The following SLC24A3 variants were observed in gnomAD, a reference collection of about 807,000 sequenced individuals.
SLC24A3 encodes the protein sodium/potassium/calcium exchanger 3.
SLC24A3 carries 28 observed loss-of-function variants against 75.8 expected under a neutral mutation model. The observed-to-expected ratio is 0.37, with a 90% CI of 0.27 to 0.51. The LOEUF (loss-of-function observed/expected upper bound fraction) is 0.51, where lower values mean the gene tolerates loss of function less well. Among genes scored for constraint, SLC24A3 ranks in the 20% least tolerant of loss-of-function variants. The probability of loss-of-function intolerance (pLI) is 0.94; values close to 1 mark genes in which losing one functional copy is unlikely to be tolerated. For missense variants in SLC24A3, 663 were observed against 847.8 expected (o/e 0.78, Z 2.71); for synonymous variants, 372 against 334.1 (o/e 1.11, Z -1.24).
At chr20:19,445,765 G>A (rs979000437) in intron 2 of SLC24A3, among the ~76,000 whole-genome samples, 3 of 152,124 alleles carry the variant, frequency 2.0e-5, no homozygotes, top group Non-Finnish European at 4.4e-5. Flanking sequence ...GGGAGGTATA[G>A]GTCCTCACAT....
intron 2 of SLC24A3, among the ~76,000 whole-genome samples, chr20:19,504,902 C>G (rs1330860411): frequency 6.6e-6 from 1 of 152,238 alleles, no homozygotes; most frequent in Admixed American, 6.5e-5. Context: ...CTCCTATCTG[C>G]TGCCATGTTT....
chr20:19,678,412 C>A (rs1264046668), intron 9 of SLC24A3, among the ~76,000 whole-genome samples: 4 of 133,578 alleles, frequency 3.0e-5, no homozygotes, highest in Non-Finnish European at 6.5e-5. Context: ...GTAGGGACGG[C>A]CAGGCAGAGG....
intron 6 of SLC24A3, among the ~76,000 whole-genome samples, chr20:19,616,505 A>T (rs143247608): frequency 6.6e-6 from 1 of 152,258 alleles, no homozygotes; most frequent in Non-Finnish European, 1.5e-5. Flanking sequence ...ATTTTTTAAC[A>T]AATGCTGTGA....
At chr20:19,636,370 G>C (rs923364884) in intron 6 of SLC24A3, among the ~76,000 whole-genome samples, 3 of 152,272 alleles carry the variant, frequency 2.0e-5, no homozygotes, top group African/African-American at 7.2e-5. Context: ...GTTGGTCCTT[G>C]CTCATCACTA....
chr20:19,367,955 T>A (rs765248719), intron 2 of SLC24A3, among the ~76,000 whole-genome samples: 1 of 152,200 alleles, frequency 6.6e-6, no homozygotes, highest in Non-Finnish European at 1.5e-5. Context: ...AGAAACATGA[T>A]GTATTAGCAG....
intron 1 of SLC24A3, among the ~76,000 whole-genome samples, chr20:19,243,691 C>T (rs1982398983): frequency 6.6e-6 from 1 of 152,260 alleles, no homozygotes; most frequent in South Asian, 2.1e-4. Flanking sequence ...GGAAACCTAT[C>T]CCTCATTTCC....
At chr20:19,323,593 T>A (rs961485944) in intron 2 of SLC24A3, among the ~76,000 whole-genome samples, 1 of 152,220 alleles carries the variant, frequency 6.6e-6, no homozygotes, top group Non-Finnish European at 1.5e-5. Flanking sequence ...CCTAGCCTGC[T>A]GCAGGGAAGT....
At chr20:19,263,033 TTGTGTGTGTGTGTGTG>T (rs11473481) in intron 1 of SLC24A3, among the ~76,000 whole-genome samples, 1 of 143,140 alleles carries the variant, frequency 7.0e-6, no homozygotes, top group Admixed American at 7.0e-5. Flanking sequence ...ACTCCAGCCT[TTGTGTGTGTGTGTGTG>T]TGTGTGTGTG....
At chr20:19,339,031 G>C (rs1243683668) in intron 2 of SLC24A3, among the ~76,000 whole-genome samples, 3 of 152,174 alleles carry the variant, frequency 2.0e-5, no homozygotes, top group South Asian at 4.1e-4. Context: ...TGGGATAGCT[G>C]GTCCTCAGCA....
At chr20:19,586,241 T>C (rs2031294048) in intron 6 of SLC24A3, among the ~76,000 whole-genome samples, 1 of 152,202 alleles carries the variant, frequency 6.6e-6, no homozygotes, top group Non-Finnish European at 1.5e-5. Context: ...TGGAGGTTTG[T>C]TTGCAGGGTT....
intron 2 of SLC24A3, among the ~76,000 whole-genome samples, chr20:19,479,428 T>C (rs983110346): frequency 3.3e-5 from 5 of 152,362 alleles, no homozygotes; most frequent in Non-Finnish European, 4.4e-5. Context: ...TCTTCTGTTC[T>C]CCCTTCTCGC....
chr20:19,352,682 G>C (rs1425180321), intron 2 of SLC24A3, among the ~76,000 whole-genome samples: 2 of 152,170 alleles, frequency 1.3e-5, no homozygotes, highest in Admixed American at 1.3e-4. Flanking sequence ...TGAACCTTAA[G>C]GTTAAATTGC....
intron 1 of SLC24A3, among the ~76,000 whole-genome samples, chr20:19,268,282 C>A (rs75107372): frequency 6.6e-6 from 1 of 152,028 alleles, no homozygotes; most frequent in Non-Finnish European, 1.5e-5. Context: ...ATTGTGAATT[C>A]ATATTTTAAA....
chr20:19,714,444 G>A (rs1452364391), intron 15 of SLC24A3, among the ~76,000 whole-genome samples: 2 of 150,194 alleles, frequency 1.3e-5, no homozygotes, highest in Non-Finnish European at 3.0e-5. Context: ...AAGAGGCAAT[G>A]GCAATGACTC....
At chr20:19,442,544 T>C (rs558595942) in intron 2 of SLC24A3, among the ~76,000 whole-genome samples, 2 of 152,338 alleles carry the variant, frequency 1.3e-5, no homozygotes, top group South Asian at 4.1e-4. Flanking sequence ...TTGCTCACTT[T>C]TTAATTGGGT....
At chr20:19,709,166 G>C (rs1182003752) in intron 15 of SLC24A3, among the ~76,000 whole-genome samples, 1 of 152,176 alleles carries the variant, frequency 6.6e-6, no homozygotes, top group Non-Finnish European at 1.5e-5. Flanking sequence ...CTCCATCCGA[G>C]GGGCAAGGGA....
At chr20:19,285,275 C>T (rs922599757) in intron 2 of SLC24A3, among the ~76,000 whole-genome samples, 2 of 152,042 alleles carry the variant, frequency 1.3e-5, no homozygotes, top group Non-Finnish European at 2.9e-5. Context: ...GCCAGGAGTT[C>T]GGGACCAGCC....
intron 2 of SLC24A3, among the ~76,000 whole-genome samples, chr20:19,353,425 T>C (rs924012278): frequency 6.6e-6 from 1 of 152,214 alleles, no homozygotes; most frequent in African/African-American, 2.4e-5. Context: ...TAGAGAAAGC[T>C]GCTGCTTTAC....
At position 19,364,514 on chromosome 20, in the gene SLC24A3, G is replaced by A. The variant is rs143886693; in HGVS notation, c.271+83427G>A. 2.8e-3 allele frequency among the ~76,000 whole-genome samples: 419 copies of A among 151,936 alleles called. 3 individuals carry two copies. Among genetic ancestry groups the A allele is most frequent in the African/African-American group, 9.8e-3 (403 of 41,270 alleles). On this transcript the variant is annotated intron_variant, in intron 2 of 16. Coordinates refer to ENST00000328041, the MANE Select transcript of SLC24A3 (RefSeq NM_020689.4). ...TCTGTCACCCAGGCTGGAGGGCAGT[G>A]GTGCAGTCATGTTTCACTGCAGCAT... is the stretch of plus-strand genomic sequence containing the variant.
Sources: gnomAD v4.1 joint callset for allele counts (sites outside exome capture counted in the v4.1 genomes callset) on GRCh38, gnomAD v4.1.1 for gene constraint, MANE v1.5 for transcripts, NCBI Gene and HGNC (gene_info 2026-07-23, HGNC 2026-07-21) for gene names.